EXOC6: variants seen among roughly 807,000 people sequenced by gnomAD.
EXOC6 encodes SEC15-like 1.
EXOC6 carries 60 observed loss-of-function variants against 112.5 expected under a neutral mutation model. The observed-to-expected ratio is 0.53, with a 90% confidence interval of 0.43 to 0.66. EXOC6 has a LOEUF of 0.66. Ranked by LOEUF, EXOC6 falls within the 30% of genes least tolerant of loss-of-function variation. The probability of loss-of-function intolerance (pLI) is 0.00; values close to 1 mark genes in which losing one functional copy is unlikely to be tolerated. For missense variants in EXOC6, 855 were observed against 957.1 expected (o/e 0.89, Z 1.41); for synonymous variants, 295 against 308.0 (o/e 0.96, Z 0.44).
intron 18 of EXOC6, among the ~76,000 whole-genome samples, chr10:92,996,090 T>TCTCAA (rs549831796): frequency 8.5e-4 from 129 of 152,298 alleles, no homozygotes; most frequent in Admixed American, 5.9e-3. Context: ...TTCTGGCCTT[T>TCTCAA]GAGATAAGTA....
At chr10:92,931,074 T>C (rs1463336830) in intron 9 of EXOC6, among the ~76,000 whole-genome samples, 1 of 138,406 alleles carries the variant, frequency 7.2e-6, no homozygotes, top group African/African-American at 2.8e-5. Flanking sequence ...ATCGTACCAT[T>C]GCACTCCAGC....
Position 93,057,281 on chromosome 10 carries a change from G to A in EXOC6, c.2282+245G>A, listed in dbSNP as rs149135142. Among the ~76,000 whole-genome samples the A allele has an allele frequency of 2.7e-3, 403 of 152,054 alleles. 2 individuals carry two copies. Among genetic ancestry groups the A allele is most frequent in the African/African-American group, 9.5e-3 (392 of 41,468 alleles). On this transcript the variant is annotated intron_variant, in intron 21 of 21. Coordinates refer to ENST00000260762, the MANE Select transcript of EXOC6 (RefSeq NM_019053.6). Reference sequence around the variant, plus strand: ...TTTCCTTTTGTATCCTGAATTGCAAGCTTAATTGACCTTAGAAATATGTTT... The same window carrying A: ...TTTCCTTTTGTATCCTGAATTGCAAACTTAATTGACCTTAGAAATATGTTT...
intron 17 of EXOC6, among the ~76,000 whole-genome samples, chr10:92,970,459 A>T (rs554698182): frequency 3.3e-5 from 5 of 152,342 alleles, no homozygotes; most frequent in African/African-American, 1.2e-4. Flanking sequence ...GCATCTGCAG[A>T]TTTTGGTATC....
intron 8 of EXOC6, among the ~76,000 whole-genome samples, chr10:92,927,235 G>A (rs1851773562): frequency 6.6e-6 from 1 of 152,072 alleles, no homozygotes; most frequent in Admixed American, 6.6e-5. Flanking sequence ...AGCCTTAGAT[G>A]ATTAGGGAAA....
intron 1 of EXOC6, among the ~76,000 whole-genome samples, chr10:92,880,796 T>A (rs1237220744): frequency 6.6e-6 from 1 of 151,854 alleles, no homozygotes; most frequent in East Asian, 1.9e-4. Context: ...GGGAAGGGCA[T>A]CCAGGGGTAG....
At chr10:92,915,647 C>A in intron 6 of EXOC6, 111 bp from the exon 7 acceptor site, 1 of 506,248 alleles carries the variant, frequency 2.0e-6, no homozygotes, top group Non-Finnish European at 3.2e-6. Context: ...ACTACAAATT[C>A]TATACCTACA....
upstream of EXOC6, among the ~76,000 whole-genome samples, chr10:92,830,598 C>T (rs948229140): frequency 6.6e-6 from 1 of 152,070 alleles, no homozygotes; most frequent in East Asian, 1.9e-4. Flanking sequence ...GGGGTTTGTG[C>T]TGTGCATTGT....
chr10:92,958,870 C>A (rs566562825), intron 17 of EXOC6, among the ~76,000 whole-genome samples: 1 of 151,932 alleles, frequency 6.6e-6, no homozygotes, highest in African/African-American at 2.4e-5. Flanking sequence ...GCGAGGTGGG[C>A]GGATCATGAG....
chr10:92,878,935 A>T (rs1482754168), intron 1 of EXOC6, among the ~76,000 whole-genome samples: 1 of 152,202 alleles, frequency 6.6e-6, no homozygotes, highest in East Asian at 1.9e-4. Context: ...CTTGTTAAAA[A>T]AGGTCTTTAA....
At chr10:92,992,534 T>C (rs1249782224) in intron 18 of EXOC6, among the ~76,000 whole-genome samples, 1 of 152,088 alleles carries the variant, frequency 6.6e-6, no homozygotes, top group Non-Finnish European at 1.5e-5. Flanking sequence ...TTCTGTGTTT[T>C]AGGTATCTTT....
intron 12 of EXOC6, among the ~76,000 whole-genome samples, chr10:92,936,382 GT>G (rs1258262378): frequency 6.6e-6 from 1 of 152,168 alleles, no homozygotes; most frequent in Non-Finnish European, 1.5e-5. Flanking sequence ...ATGATACTTT[GT>G]ATGAAAACAC....
chr10:92,955,246 A>G (rs569655014), intron 16 of EXOC6, among the ~76,000 whole-genome samples: 8 of 152,254 alleles, frequency 5.3e-5, no homozygotes, highest in African/African-American at 1.2e-4. Context: ...TAGAATATCT[A>G]TTTAGATTTC....
At chr10:93,048,582 TATA>T (rs753191497) in intron 20 of EXOC6, among the ~76,000 whole-genome samples, 2 of 151,602 alleles carry the variant, frequency 1.3e-5, no homozygotes, top group South Asian at 2.1e-4. Context: ...AAACTTAAAG[TATA>T]ATAATAATAA....
intron 20 of EXOC6, among the ~76,000 whole-genome samples, chr10:93,019,231 C>T (rs1048993242): frequency 3.9e-5 from 6 of 152,132 alleles, no homozygotes; most frequent in African/African-American, 9.7e-5. Context: ...CCACCCGCCT[C>T]GGCCTCCCAA....
intron 4 of EXOC6, among the ~76,000 whole-genome samples, chr10:92,896,857 GT>G (rs1187139143): frequency 6.6e-6 from 1 of 152,184 alleles, no homozygotes; most frequent in Admixed American, 6.5e-5. Flanking sequence ...CGCCTGGCCT[GT>G]TTTTTGACTT....
intron 20 of EXOC6, among the ~76,000 whole-genome samples, chr10:93,044,331 A>T (rs1845912380): frequency 6.6e-6 from 1 of 152,238 alleles, no homozygotes; most frequent in African/African-American, 2.4e-5. Flanking sequence ...TTGAGATTCA[A>T]GAAAAGTAAA....
intron 7 of EXOC6, among the ~76,000 whole-genome samples, chr10:92,917,094 G>A (rs1225817365): frequency 6.6e-6 from 1 of 151,684 alleles, no homozygotes; most frequent in East Asian, 1.9e-4. Context: ...CTCCCAAGTA[G>A]CTGGATTACA....
At chr10:92,959,622 G>A (rs1853876651) in intron 17 of EXOC6, among the ~76,000 whole-genome samples, 1 of 152,142 alleles carries the variant, frequency 6.6e-6, no homozygotes, top group African/African-American at 2.4e-5. Flanking sequence ...TCTGATAAAG[G>A]ACTCTTGTCT....
chr10:92,949,733 C>T (rs2134001763), intron 14 of EXOC6, among the ~76,000 whole-genome samples: 1 of 152,164 alleles, frequency 6.6e-6, no homozygotes, highest in East Asian at 1.9e-4. Context: ...GCTGGGATTA[C>T]AGGCATGCGC....
Sources: gnomAD v4.1 joint callset for allele counts (sites outside exome capture counted in the v4.1 genomes callset) on GRCh38, gnomAD v4.1.1 for gene constraint, MANE v1.5 for transcripts, NCBI Gene and HGNC (gene_info 2026-07-23, HGNC 2026-07-21) for gene names.